WDPCP: variants seen among roughly 807,000 people sequenced by gnomAD.
The protein encoded by WDPCP is WD repeat-containing and planar cell polarity effector protein fritz homolog.
WDPCP carries 71 observed loss-of-function variants against 93.1 expected under a neutral mutation model. The ratio of observed to expected loss-of-function variants is 0.76; its 90% confidence interval spans 0.63 to 0.93. The LOEUF (loss-of-function observed/expected upper bound fraction) is 0.93, where lower values mean the gene tolerates loss of function less well. Among genes scored for constraint, WDPCP ranks in the 40% least tolerant of loss-of-function variants. The probability of loss-of-function intolerance (pLI) is 0.00; values close to 1 mark genes in which losing one functional copy is unlikely to be tolerated. For missense variants in WDPCP, 844 were observed against 887.4 expected, an observed-to-expected ratio of 0.95 and a Z score of 0.62; for synonymous variants, 315 against 315.0, an observed-to-expected ratio of 1.00 and a Z score of 0.00.
chr2:63,139,922 C>T (rs889679814), intron 17 of WDPCP, among the ~76,000 whole-genome samples: 15 of 152,238 alleles, frequency 9.9e-5, no homozygotes, highest in African/African-American at 3.6e-4. Flanking sequence ...CCAATGTTAT[C>T]TTCTAAAATT....
chr2:63,423,865 C>T (rs1696050961), intron 9 of WDPCP, among the ~76,000 whole-genome samples: 1 of 152,014 alleles, frequency 6.6e-6, no homozygotes, highest in South Asian at 2.1e-4. Flanking sequence ...AGATGGCCAA[C>T]TAGACACAGC....
In WDPCP at chr2:63,756,706, C is replaced by T. The variant is rs139461863; in HGVS notation, n.308+56916G>A. On this transcript the variant is annotated intron_variant and non_coding_transcript_variant, in intron 2 of 4. Coordinates refer to the WDPCP transcript ENST00000467687. ...TTCCTCATATAAAAACAAATACTAA[C>T]AACCTCTTAAGACTGTGTATAGATT... Among the ~76,000 whole-genome samples the T allele has an allele frequency of 4.1e-3, 625 of 152,188 alleles. 3 individuals carry two copies. The highest frequency in any genetic ancestry group is 0.014 in the African/African-American group (585 of 41,530).
chr2:63,335,051 C>G (rs1558484677), intron 12 of WDPCP, among the ~76,000 whole-genome samples: 2 of 152,146 alleles, frequency 1.3e-5, no homozygotes, highest in Non-Finnish European at 2.9e-5. Flanking sequence ...TTCCTCTGCT[C>G]TATGTTTATC....
At chr2:63,517,093 T>C (rs997130341) in intron 1 of WDPCP, among the ~76,000 whole-genome samples, 4 of 152,198 alleles carry the variant, frequency 2.6e-5, no homozygotes, top group African/African-American at 9.7e-5. Flanking sequence ...AATCTTTCTA[T>C]TTCTTCATCT....
intron 13 of WDPCP, among the ~76,000 whole-genome samples, chr2:63,299,076 T>G (rs1201857700): frequency 6.6e-6 from 1 of 152,214 alleles, no homozygotes; most frequent in African/African-American, 2.4e-5. Flanking sequence ...GACTGTTACA[T>G]GCATCCTCTG....
intron 6 of WDPCP, among the ~76,000 whole-genome samples, chr2:63,468,672 C>T (rs895716551): frequency 2.6e-5 from 4 of 152,102 alleles, no homozygotes; most frequent in Non-Finnish European, 5.9e-5. Context: ...TCCATGATGT[C>T]ATCAGATACC....
At chr2:63,386,760 G>A (rs759573660) in intron 10 of WDPCP, among the ~76,000 whole-genome samples, 48 of 151,724 alleles carry the variant, frequency 3.2e-4, no homozygotes, top group Non-Finnish European at 6.3e-4. Flanking sequence ...ATCTGTTAGC[G>A]AAAATCTGGA....
At chr2:63,247,387 A>G (rs1293136129) in intron 14 of WDPCP, among the ~76,000 whole-genome samples, 1 of 152,176 alleles carries the variant, frequency 6.6e-6, no homozygotes, top group Non-Finnish European at 1.5e-5. Context: ...TTTACTCTTA[A>G]GTACTTATGA....
intron 2 of WDPCP, among the ~76,000 whole-genome samples, chr2:63,696,401 C>T (rs1475226323): frequency 1.3e-5 from 2 of 152,174 alleles, no homozygotes; most frequent in Non-Finnish European, 2.9e-5. Context: ...GTCATTCCCT[C>T]AGTTTGTAGA....
At chr2:63,742,204 T>C (rs1669728610) in intron 2 of WDPCP, among the ~76,000 whole-genome samples, 2 of 150,808 alleles carry the variant, frequency 1.3e-5, no homozygotes, top group Non-Finnish European at 1.5e-5. Flanking sequence ...TTGTTCTTTC[T>C]GTAAAAAGAT....
chr2:63,485,902 C>CTA (rs1301479048), intron 4 of WDPCP, among the ~76,000 whole-genome samples: 1 of 151,602 alleles, frequency 6.6e-6, no homozygotes, highest in African/African-American at 2.4e-5. Context: ...GAATTTGGGT[C>CTA]TATAAACAAT....
At chr2:63,563,868 C>A (rs1032620730) in intron 1 of WDPCP, among the ~76,000 whole-genome samples, 4 of 152,180 alleles carry the variant, frequency 2.6e-5, no homozygotes, top group African/African-American at 9.7e-5. Context: ...AGATAAATTT[C>A]TTCACTTTAT....
intron 10 of WDPCP, among the ~76,000 whole-genome samples, chr2:63,393,556 A>T (rs1389678857): frequency 6.6e-6 from 1 of 152,002 alleles, no homozygotes; most frequent in East Asian, 1.9e-4. Context: ...AAAAAGGGGA[A>T]AAAAAAGAAA....
At chr2:63,321,709 T>C (rs1300778276) in intron 12 of WDPCP, among the ~76,000 whole-genome samples, 1 of 152,220 alleles carries the variant, frequency 6.6e-6, no homozygotes, top group Non-Finnish European at 1.5e-5. Context: ...TGTCTTGTTA[T>C]ACAGTATATA....
Position 63,239,420 on chromosome 2 carries a change from T to C in WDPCP, c.1915+19887A>G, listed in dbSNP as rs1454229341. Among the ~76,000 whole-genome samples the C allele has an allele frequency of 3.3e-5, 5 of 152,194 alleles. No homozygotes were observed. In the East Asian group the frequency reaches 9.6e-4, roughly 29 times the overall value. On this transcript the variant is annotated intron_variant, in intron 14 of 17. Coordinates refer to ENST00000272321, the MANE Select transcript of WDPCP (RefSeq NM_015910.7). The stretch of plus-strand genomic sequence containing the variant: ...AGATTTATGGTTATATGAAGCCATT[T>C]TGTAAATTGTAAAATGGTAAAAACA...
chr2:63,480,041 T>A (rs1389497054), intron 6 of WDPCP, among the ~76,000 whole-genome samples: 1 of 152,136 alleles, frequency 6.6e-6, no homozygotes, highest in Non-Finnish European at 1.5e-5. Context: ...AGCTTCAGGA[T>A]ACAAAATTAA....
chr2:63,538,358 A>G (rs1219345304), intron 1 of WDPCP, among the ~76,000 whole-genome samples: 1 of 152,202 alleles, frequency 6.6e-6, no homozygotes, highest in Non-Finnish European at 1.5e-5. Flanking sequence ...TAGTGTAGAA[A>G]AAGAAGAAAC....
chr2:63,445,999 G>A (rs1250670566), intron 6 of WDPCP, among the ~76,000 whole-genome samples: 1 of 152,148 alleles, frequency 6.6e-6, no homozygotes, highest in Non-Finnish European at 1.5e-5. Flanking sequence ...TAATTAGTGG[G>A]AAAGTGGAGA....
At chr2:63,715,678 G>T (rs954174310) in intron 2 of WDPCP, among the ~76,000 whole-genome samples, 1 of 152,144 alleles carries the variant, frequency 6.6e-6, no homozygotes, top group African/African-American at 2.4e-5. Flanking sequence ...AAAGAATCTT[G>T]CAATTAGTGA....
Sources: gnomAD v4.1 joint callset for allele counts (sites outside exome capture counted in the v4.1 genomes callset) on GRCh38, gnomAD v4.1.1 for gene constraint, MANE v1.5 for transcripts, NCBI Gene and HGNC (gene_info 2026-07-23, HGNC 2026-07-21) for gene names.